The following NKAIN2 variants were observed in gnomAD, a reference collection of about 807,000 sequenced individuals.
NKAIN2 encodes sodium/potassium-transporting ATPase subunit beta-1-interacting protein 2.
In NKAIN2, 14 loss-of-function variants were observed where a neutral mutation model predicts 32.6. That is an observed-to-expected ratio of 0.43 (90% CI 0.28 to 0.67). The LOEUF is 0.67. Among genes scored for constraint, NKAIN2 ranks in the 30% least tolerant of loss-of-function variants. The pLI is 0.17. For synonymous variants in NKAIN2, 80 were observed against 87.2 expected (o/e 0.92, Z 0.46); for missense variants, 198 against 258.3 (o/e 0.77, Z 1.60).
chr6:124,499,682 G>T (rs1044124258), intron 3 of NKAIN2, among the ~76,000 whole-genome samples: 21 of 152,124 alleles, frequency 1.4e-4, no homozygotes, highest in African/African-American at 5.1e-4. Context: ...AGGATCCTTG[G>T]TCTCAGATTT....
intron 4 of NKAIN2, among the ~76,000 whole-genome samples, chr6:124,681,042 G>GA (rs1314934937): frequency 6.6e-6 from 1 of 151,634 alleles, no homozygotes; most frequent in Non-Finnish European, 1.5e-5. Flanking sequence ...CAAAAACTGA[G>GA]AACAGTCCAT....
At chr6:124,584,583 GTGGAGGT>G (rs1198102080) in intron 3 of NKAIN2, among the ~76,000 whole-genome samples, 1 of 151,428 alleles carries the variant, frequency 6.6e-6, no homozygotes, top group African/African-American at 2.4e-5. Context: ...AACCGGAGAG[GTGGAGGT>G]TGCAGTGAGC....
chr6:124,123,516 T>G (rs1243711315), intron 1 of NKAIN2, among the ~76,000 whole-genome samples: 1 of 152,150 alleles, frequency 6.6e-6, no homozygotes, highest in Non-Finnish European at 1.5e-5. Flanking sequence ...TTATGAACCT[T>G]AAGAGGTTTT....
chr6:124,211,505 A>T (rs1034808673), intron 1 of NKAIN2, among the ~76,000 whole-genome samples: 9 of 151,930 alleles, frequency 5.9e-5, no homozygotes, highest in African/African-American at 1.7e-4. Flanking sequence ...TTGACAGTAG[A>T]GAGAAGAAGA....
At chr6:124,403,866 T>C (rs2114466543) in intron 3 of NKAIN2, among the ~76,000 whole-genome samples, 1 of 152,352 alleles carries the variant, frequency 6.6e-6, no homozygotes, top group African/African-American at 2.4e-5. Context: ...AGTTCTAGAA[T>C]TTCAATTTAG....
chr6:123,913,036 A>G (rs1582767204), intron 1 of NKAIN2, among the ~76,000 whole-genome samples: 1 of 152,328 alleles, frequency 6.6e-6, no homozygotes, highest in Middle Eastern at 3.4e-3. Context: ...TCAATATTAT[A>G]GTATCTGCTA....
chr6:124,075,783 ACCAAGTTTCC>A (rs1373859161), intron 1 of NKAIN2, among the ~76,000 whole-genome samples: 1 of 152,036 alleles, frequency 6.6e-6, no homozygotes, highest in Non-Finnish European at 1.5e-5. Context: ...TTTAGTACAG[ACCAAGTTTCC>A]CCATGTTGGC....
intron 1 of NKAIN2, among the ~76,000 whole-genome samples, chr6:124,235,650 G>C (rs960979509): frequency 6.6e-6 from 1 of 151,114 alleles, no homozygotes; most frequent in African/African-American, 2.4e-5. Flanking sequence ...CCAGACTGGA[G>C]TGCAATGGTG....
chr6:124,662,028 T>C (rs73770504), intron 4 of NKAIN2, among the ~76,000 whole-genome samples: 7,825 of 152,238 alleles, frequency 0.051, 228 homozygotes, highest in African/African-American at 0.086. Flanking sequence ...AGCTAATAAA[T>C]AGGGACAATG....
chr6:124,629,253 A>C (rs1228159183), intron 3 of NKAIN2, among the ~76,000 whole-genome samples: 4 of 152,122 alleles, frequency 2.6e-5, no homozygotes, highest in African/African-American at 9.7e-5. Flanking sequence ...AGGTGAGGGG[A>C]TTAGAAGTGA....
chr6:124,227,531 A>AGG (rs1792185341), intron 1 of NKAIN2, among the ~76,000 whole-genome samples: 1 of 152,204 alleles, frequency 6.6e-6, no homozygotes, highest in Non-Finnish European at 1.5e-5. Context: ...CTCTTAAATT[A>AGG]AAGGAGTGGT....
chr6:124,161,644 A>G (rs1406440126), intron 1 of NKAIN2, among the ~76,000 whole-genome samples: 1 of 152,148 alleles, frequency 6.6e-6, no homozygotes, highest in Non-Finnish European at 1.5e-5. Context: ...TGCATAAGAC[A>G]TTATAAGGGT....
intron 1 of NKAIN2, among the ~76,000 whole-genome samples, chr6:123,844,058 G>A (rs1335119570): frequency 6.6e-6 from 1 of 152,142 alleles, no homozygotes; most frequent in African/African-American, 2.4e-5. Flanking sequence ...TTATGAGAAG[G>A]CCTCTGCCCT....
At position 124,756,875 on chromosome 6, in the gene NKAIN2, A is replaced by G. The variant is rs1414051243; in HGVS notation, c.475-34464A>G. 2.0e-5 allele frequency among the ~76,000 whole-genome samples: 3 copies of G among 152,118 alleles called. No homozygotes were observed. In the East Asian group the frequency reaches 5.8e-4, roughly 29 times the overall value. On this transcript the variant is annotated intron_variant, in intron 4 of 6. Transcript: ENST00000368417. ...AAGCATTTTATTTCTTTAATCTGCAAAACATATTTAAGTGTTAGAAGACAT... is the reference window on the plus strand; with the variant it reads ...AAGCATTTTATTTCTTTAATCTGCAGAACATATTTAAGTGTTAGAAGACAT...
chr6:124,820,623 C>T (rs1172134585), intron 6 of NKAIN2, among the ~76,000 whole-genome samples: 4 of 152,142 alleles, frequency 2.6e-5, no homozygotes, highest in Non-Finnish European at 5.9e-5. Context: ...TTATATATAA[C>T]AGCGGTCCCC....
intron 1 of NKAIN2, among the ~76,000 whole-genome samples, chr6:124,130,811 T>G (rs1418448796): frequency 1.3e-5 from 2 of 152,160 alleles, no homozygotes; most frequent in Non-Finnish European, 2.9e-5. Context: ...TAGAAAACAA[T>G]TTATCTGTTC....
At chr6:124,800,838 CTTGTTTGT>C (rs552300222) in intron 5 of NKAIN2, among the ~76,000 whole-genome samples, 1 of 152,042 alleles carries the variant, frequency 6.6e-6, no homozygotes, top group Non-Finnish European at 1.5e-5. Context: ...TTTGCATTTG[CTTGTTTGT>C]TTGTTTGTTT....
intron 1 of NKAIN2, among the ~76,000 whole-genome samples, chr6:123,866,279 C>T (rs1310718546): frequency 6.6e-6 from 1 of 152,102 alleles, no homozygotes; most frequent in Admixed American, 6.5e-5. Flanking sequence ...GTCTCCTATC[C>T]TTGACAGCCA....
At chr6:124,327,509 G>A (rs1382723868) in intron 2 of NKAIN2, among the ~76,000 whole-genome samples, 2 of 151,850 alleles carry the variant, frequency 1.3e-5, no homozygotes, top group East Asian at 1.9e-4. Context: ...GCTACCTAAG[G>A]CATCTAATAG....
Sources: allele counts gnomAD v4.1 joint callset (sites outside exome capture counted in the v4.1 genomes callset), GRCh38; gene constraint gnomAD v4.1.1; transcripts MANE v1.5; gene names NCBI Gene and HGNC (gene_info 2026-07-23, HGNC 2026-07-21).